The following KIF21B variants were observed in gnomAD, a reference collection of about 807,000 sequenced individuals.
KIF21B encodes kinesin family member 21B, also known as kinesin-like protein KIF21B.
In KIF21B, 85 loss-of-function variants were observed where a neutral mutation model predicts 192.9. That is an observed-to-expected ratio of 0.44 (90% CI 0.37 to 0.53). The LOEUF (loss-of-function observed/expected upper bound fraction) is 0.53, where lower values mean the gene tolerates loss of function less well. Among genes scored for constraint, KIF21B ranks in the 20% least tolerant of loss-of-function variants. The probability of loss-of-function intolerance (pLI) is 0.00; values close to 1 mark genes in which losing one functional copy is unlikely to be tolerated. For missense variants in KIF21B, 1,716 were observed against 2,194.8 expected (o/e 0.78, Z 4.36); for synonymous variants, 832 against 884.6 (o/e 0.94, Z 1.05).
intron 1 of KIF21B, among the ~76,000 whole-genome samples, chr1:201,022,298 C>T (rs753787345): frequency 1.2e-4 from 18 of 152,284 alleles, no homozygotes; most frequent in South Asian, 4.1e-4. Context: ...GAGAGACCTA[C>T]CCTAGACCTG....
intron 17 of KIF21B, 131 bp downstream of exon 17, chr1:200,991,526 G>A (rs996956311): frequency 3.2e-6 from 3 of 930,544 alleles, no homozygotes; most frequent in Non-Finnish European, 5.0e-6. Context: ...GGCTCTGGCA[G>A]AACTGGGAAA....
intron 7 of KIF21B, 65 bp downstream of exon 7, chr1:201,004,275 A>G: frequency 3.0e-6 from 4 of 1,325,056 alleles, no homozygotes; most frequent in Non-Finnish European, 4.2e-6. Context: ...ATACCCACAC[A>G]GCACTATTTT....
At chr1:201,007,377 CAGAG>C (rs1428424807) in intron 3 of KIF21B, among the ~76,000 whole-genome samples, 1 of 121,820 alleles carries the variant, frequency 8.2e-6, no homozygotes, top group African/African-American at 3.7e-5. Flanking sequence ...CACACAGAGA[CAGAG>C]ACACACAGAC....
At chr1:200,992,534 G>T in intron 15 of KIF21B, 145 bp from the exon 16 acceptor site, 1 of 829,804 alleles carries the variant, frequency 1.2e-6, no homozygotes, top group South Asian at 1.6e-5. Context: ...GGTCTGAAGT[G>T]AGGGGTTCTA....
At chr1:201,012,390 G>A (rs1289464967) in intron 1 of KIF21B, among the ~76,000 whole-genome samples, 1 of 152,176 alleles carries the variant, frequency 6.6e-6, no homozygotes, top group African/African-American at 2.4e-5. Context: ...GGAAGCAAAG[G>A]AAAGCTAAGA....
At chr1:200,979,889 G>A (rs778095791) in intron 29 of KIF21B, among the ~76,000 whole-genome samples, 174 bp from the exon 30 acceptor site, 1 of 152,208 alleles carries the variant, frequency 6.6e-6, no homozygotes, top group Non-Finnish European at 1.5e-5. Context: ...TCACTGGCAT[G>A]TGTGTGCTAG....
At position 200,992,308 on chromosome 1, in the gene KIF21B, G is replaced by A; in HGVS notation, c.2359C>T (p.Leu787Phe). ...ETKRNREIAQ[L>F]KKEQRRQEFQ... ...TCCTGTCGCCGCTGCTCCTTCTTGA[G>A]CTGTGCGATCTCCCGGTTCCTCTTG... Residue 787 changes from leucine to phenylalanine, a missense_variant, in exon 16 of 35, where the codon CTC (leucine) becomes TTC (phenylalanine). Physicochemically the swap from Leu to Phe is conservative, Grantham distance 22. Coordinates refer to ENST00000461742, the MANE Select transcript of KIF21B (RefSeq NM_001252102.2). 6.2e-7 allele frequency: 1 copy of A among 1,612,734 alleles called. No homozygotes were observed. Among genetic ancestry groups the A allele is most frequent in the East Asian group, 2.2e-5 (1 of 44,882 alleles).
rs150236660 is a variant in KIF21B, at chr1:200,993,463, C to T, written c.2278-1074G>A. Among the ~76,000 whole-genome samples, 139 of 152,252 alleles carry T rather than the reference C, an allele frequency of 9.1e-4. 1 individual carries two copies. Among genetic ancestry groups the T allele is most frequent in the African/African-American group, 2.9e-3 (122 of 41,532 alleles). The stretch of plus-strand genomic sequence containing the variant: ...AAAACAGTCAAGAAAGGAAACAGGC[C>T]GAGCGCGGTGGCTCACACCTGTAAT... On this transcript the variant is annotated intron_variant, in intron 15 of 34. Coordinates refer to ENST00000461742, the MANE Select transcript of KIF21B (RefSeq NM_001252102.2).
rs944598400 is a variant in KIF21B at position 200,970,304 on chromosome 1, C to T, written c.*3217G>A. 1 of 152,986 alleles carries T rather than the reference C, an allele frequency of 6.5e-6. No homozygotes were observed. Among genetic ancestry groups the T allele is most frequent in the African/African-American group, 2.4e-5 (1 of 41,482 alleles). 9.5% of individuals were successfully genotyped at this position (152,986 alleles called of 1,614,324 possible). On this transcript the variant is annotated 3_prime_UTR_variant, in exon 35 of 35. Coordinates refer to ENST00000461742, the MANE Select transcript of KIF21B (RefSeq NM_001252102.2). ...TAAACTGCCCTCTGCCCAGGCCACA[C>T]ATCCCCAGACAGGCAGCAGGGCTGG...
intron 3 of KIF21B, among the ~76,000 whole-genome samples, chr1:201,007,313 C>T: frequency 8.6e-6 from 1 of 116,122 alleles, no homozygotes; most frequent in South Asian, 2.7e-4. Context: ...CAGACACGGA[C>T]ACAGAGACAC....
Position 200,988,324 on chromosome 1 carries a change from G to A in KIF21B, c.3380C>T (p.Ser1127Phe). 6.2e-7 allele frequency: 1 copy of A among 1,614,164 alleles called. No individual in the cohort carries two copies. The highest frequency in any genetic ancestry group is 8.5e-7 in the Non-Finnish European group (1 of 1,180,026). The stretch of plus-strand genomic sequence containing the variant: ...GAACTTGAAATCGTCATGGCTGGTG[G>A]AGCCTTTCATGGTGAATGACTGGGA... ...SFSQSFTMKG[S>F]TSHDDFKFKS... Residue 1127 changes from serine to phenylalanine, a missense_variant, in exon 24 of 35, where the codon TCC becomes TTC. Physicochemically the swap from Ser to Phe is radical, Grantham distance 155. Around this residue, in one of 3 missense-constraint regions of KIF21B, gnomAD observed 580 missense variants for 775.5 expected, o/e 0.75. Transcript: ENST00000461742.
chr1:201,020,813 A>ACACACACACACACC (rs1658776855), intron 1 of KIF21B, among the ~76,000 whole-genome samples: 1 of 141,152 alleles, frequency 7.1e-6, no homozygotes, highest in African/African-American at 2.8e-5. Flanking sequence ...TCCTCTACAC[A>ACACACACACACACC]CACACACACA....
chr1:200,977,417 C>T, intron 30 of KIF21B, 41 bp from the exon 31 acceptor site: 1 of 1,601,066 alleles, frequency 6.2e-7, no homozygotes, highest in Non-Finnish European at 8.5e-7. Flanking sequence ...TCAAAACAAT[C>T]CATGTGCACA....
chr1:200,997,076 C>A (rs1274341879), intron 14 of KIF21B, among the ~76,000 whole-genome samples: 2 of 152,204 alleles, frequency 1.3e-5, no homozygotes, highest in Non-Finnish European at 2.9e-5. Flanking sequence ...CTCCTGGGAT[C>A]TTTAGAACAG....
chr1:200,996,123 T>A (rs1657047398), intron 15 of KIF21B, 73 bp downstream of exon 15: 3 of 1,404,132 alleles, frequency 2.1e-6, no homozygotes, highest in Non-Finnish European at 3.0e-6. Flanking sequence ...TGATTATTTT[T>A]ACGATGGTGA....
Position 200,992,323 on chromosome 1 carries a change from G to A in KIF21B, c.2344C>T (p.Arg782Trp), listed in dbSNP as rs771950376. The part of the protein sequence containing the change: ...RRRLVETKRN[R>W]EIAQLKKEQR... ...TCCTTCTTGAGCTGTGCGATCTCCC[G>A]GTTCCTCTTGGTCTCCACTAGCCGC... The change falls in exon 16 of 35, where the codon CGG (arginine) becomes TGG (tryptophan). Residue 782 changes from arginine to tryptophan, a missense_variant. This residue lies in a region of KIF21B where 1,087 missense variants were observed against 1,316.6 expected (regional missense o/e 0.83). Coordinates refer to ENST00000461742, the MANE Select transcript of KIF21B (RefSeq NM_001252102.2). The A allele has an allele frequency of 8.1e-6, 13 of 1,612,888 alleles. No homozygotes were observed. The highest frequency in any genetic ancestry group is 2.2e-5 in the South Asian group (2 of 91,094).
Position 200,992,347 on chromosome 1 carries a change from G to A in KIF21B, c.2320C>T (p.Arg774Trp), listed in dbSNP as rs146403487. The change falls in exon 16 of 35, where the codon CGG becomes TGG. Residue 774 changes from arginine to tryptophan, a missense_variant. Arg to Trp is a moderately radical substitution (Grantham distance 101). Around this residue, in one of 3 missense-constraint regions of KIF21B, gnomAD observed 1,087 missense variants for 1,316.6 expected, o/e 0.83. Coordinates refer to ENST00000461742, the MANE Select transcript of KIF21B (RefSeq NM_001252102.2). ...CGGTTCCTCTTGGTCTCCACTAGCCGCCGCCGCTGTTGCTCCTCACGCATC... is the reference window on the plus strand; with the variant it reads ...CGGTTCCTCTTGGTCTCCACTAGCCACCGCCGCTGTTGCTCCTCACGCATC... ...KQMREEQQRRRLVETKRNREI... is the reference protein window; with the variant it reads ...KQMREEQQRRWLVETKRNREI... The A allele has an allele frequency of 3.8e-5, 61 of 1,613,182 alleles. No homozygotes were observed. Among genetic ancestry groups the A allele is most frequent in the East Asian group, 8.9e-5 (4 of 44,888 alleles).
chr1:201,009,624 G>A, intron 1 of KIF21B, 136 bp from the exon 2 acceptor site: 2 of 718,772 alleles, frequency 2.8e-6, no homozygotes, highest in South Asian at 3.7e-5. Context: ...GGTGACCCCA[G>A]AGGACATGGG....
chr1:200,985,035 G>T, intron 26 of KIF21B, 63 bp from the exon 27 acceptor site: 1 of 1,219,588 alleles, frequency 8.2e-7, no homozygotes, highest in Non-Finnish European at 1.2e-6. Flanking sequence ...CCCCTACTTG[G>T]TGCTGGGCTT....
Sources: gnomAD v4.1 joint callset for allele counts (sites outside exome capture counted in the v4.1 genomes callset) on GRCh38, gnomAD v4.1.1 for gene constraint, gnomAD v4.1.1 regional missense constraint, MANE v1.5 for transcripts, NCBI Gene and HGNC (gene_info 2026-07-23, HGNC 2026-07-21) for gene names.